The following HDX variants were observed in gnomAD, a reference collection of about 807,000 sequenced individuals.
The protein encoded by HDX is chromosome X open reading frame 43.
HDX carries 19 observed loss-of-function variants against 45.2 expected under a neutral mutation model. The ratio of observed to expected loss-of-function variants is 0.42; its 90% CI spans 0.29 to 0.62. The LOEUF is 0.62. HDX is among the 20% of genes least tolerant of loss of function. HDX has a pLI of 0.20. For synonymous variants in HDX, 188 were observed against 172.8 expected, an observed-to-expected ratio of 1.09 and a Z score of -0.69; for missense variants, 532 against 493.9, an observed-to-expected ratio of 1.08 and a Z score of -0.73.
intron 5 of HDX, among the ~76,000 whole-genome samples, chrX:84,433,675 C>A (rs1021222479): frequency 2.7e-5 from 3 of 111,178 alleles, no homozygotes; most frequent in African/African-American, 3.3e-5. Flanking sequence ...TCTGGCTCTT[C>A]CTTGGTTCCA....
At chrX:84,407,722 A>T in intron 5 of HDX, among the ~76,000 whole-genome samples, 1 of 111,496 alleles carries the variant, frequency 9.0e-6, no homozygotes, top group East Asian at 2.8e-4. Context: ...TTGACTTTTT[A>T]ATAGTAGCCA....
intron 5 of HDX, among the ~76,000 whole-genome samples, chrX:84,432,136 G>A (rs2039519295): frequency 9.0e-6 from 1 of 111,352 alleles, no homozygotes; most frequent in Non-Finnish European, 1.9e-5. Flanking sequence ...TCAAAGATCA[G>A]ATGGTTGTAG....
At chrX:84,462,053 C>A (rs1464754178) in intron 4 of HDX, among the ~76,000 whole-genome samples, 1 of 111,926 alleles carries the variant, frequency 8.9e-6, no homozygotes, top group Non-Finnish European at 1.9e-5. Flanking sequence ...AAAGGGAATC[C>A]TCATAAACTG....
chrX:84,357,098 A>T (rs946971968), intron 6 of HDX, among the ~76,000 whole-genome samples: 3 of 111,582 alleles, frequency 2.7e-5, no homozygotes, highest in South Asian at 7.5e-4. Flanking sequence ...GAAGTTTTTT[A>T]AAAAATGAAA....
chrX:84,431,943 C>G (rs2039515457), intron 5 of HDX, among the ~76,000 whole-genome samples: 1 of 111,022 alleles, frequency 9.0e-6, no homozygotes, highest in Admixed American at 9.6e-5. Flanking sequence ...CCTATGCTAT[C>G]TTTCAGGGTT....
intron 9 of HDX, among the ~76,000 whole-genome samples, chrX:84,332,034 T>C (rs1199248342): frequency 1.8e-5 from 2 of 111,454 alleles, no homozygotes; most frequent in Admixed American, 1.9e-4. Flanking sequence ...AACACTAGTA[T>C]GTGTATATAA....
chrX:84,331,120 T>G (rs779531209), intron 9 of HDX, among the ~76,000 whole-genome samples: 4 of 111,532 alleles, frequency 3.6e-5, no homozygotes, highest in Non-Finnish European at 7.5e-5. Context: ...GACTGCCAAG[T>G]CTGAGGTGCT....
intron 5 of HDX, among the ~76,000 whole-genome samples, chrX:84,405,053 T>TTA (rs2038788020): frequency 9.0e-6 from 1 of 111,040 alleles, no homozygotes; most frequent in African/African-American, 3.3e-5. Context: ...AAAAAGCAAA[T>TTA]TCAGTTGATA....
At chrX:84,447,082 A>G (rs2039889895) in intron 4 of HDX, among the ~76,000 whole-genome samples, 1 of 111,855 alleles carries the variant, frequency 8.9e-6, no homozygotes, top group African/African-American at 3.3e-5. Context: ...CTGAAGACCC[A>G]TGGACCCTTG....
At chrX:84,470,805 TATA>T (rs2040440097) in intron 3 of HDX, among the ~76,000 whole-genome samples, 1 of 111,563 alleles carries the variant, frequency 9.0e-6, no homozygotes, top group African/African-American at 3.3e-5. Context: ...TACTAAACTT[TATA>T]ATAATTCCAA....
At chrX:84,470,261 C>T (rs986730934) in intron 3 of HDX, among the ~76,000 whole-genome samples, 1 of 111,417 alleles carries the variant, frequency 9.0e-6, no homozygotes, top group Non-Finnish European at 1.9e-5. Context: ...TTTCAAAGTG[C>T]TCTCCAATGT....
chrX:84,406,723 T>C (rs760327207), intron 5 of HDX, among the ~76,000 whole-genome samples: 1 of 111,401 alleles, frequency 9.0e-6, no homozygotes, highest in African/African-American at 3.2e-5. Flanking sequence ...TATGCTTTTA[T>C]GAGAATTCTG....
At chrX:84,331,536 AG>A (rs2147769378) in intron 9 of HDX, among the ~76,000 whole-genome samples, 1 of 111,852 alleles carries the variant, frequency 8.9e-6, no homozygotes, top group Non-Finnish European at 1.9e-5. Flanking sequence ...GCTCTCAACC[AG>A]GTAACACATA....
intron 4 of HDX, among the ~76,000 whole-genome samples, 180 bp from the exon 5 acceptor site, chrX:84,440,765 A>G (rs1438429001): frequency 9.0e-6 from 1 of 111,081 alleles, no homozygotes; most frequent in African/African-American, 3.3e-5. Flanking sequence ...TTTTTTGGTG[A>G]AAAAAATTGA....
chrX:84,479,949 C>A (rs1160452946), intron 2 of HDX, among the ~76,000 whole-genome samples: 2 of 111,175 alleles, frequency 1.8e-5, no homozygotes, highest in African/African-American at 3.3e-5. Context: ...TGGATACAAA[C>A]CCTTCATCAG....
At chrX:84,436,204 C>T (rs1341706777) in intron 5 of HDX, among the ~76,000 whole-genome samples, 1 of 90,268 alleles carries the variant, frequency 1.1e-5, no homozygotes, top group African/African-American at 4.1e-5. Flanking sequence ...CGCATATTCT[C>T]ACTCATAGGT....
At position 84,465,849 on chromosome X, in the gene HDX, A is replaced by G. The variant is rs767081431; in HGVS notation, c.1251+2623T>C. Among the ~76,000 whole-genome samples, 13 of 111,814 alleles carry G rather than the reference A, an allele frequency of 1.2e-4. No homozygotes were observed. In the East Asian group the frequency reaches 3.7e-3, roughly 31 times the overall value. On this transcript the variant is annotated intron_variant, in intron 4 of 10. Coordinates refer to ENST00000373177, the MANE Select transcript of HDX (RefSeq NM_001177479.2). ...ATAATAGAAAGTTGACAAAATGACC[A>G]CAGATTCTAAGCTCTGATCCAAGAG...
intron 4 of HDX, among the ~76,000 whole-genome samples, chrX:84,460,089 T>G (rs1047158804): frequency 1.1e-4 from 12 of 111,539 alleles, no homozygotes; most frequent in Non-Finnish European, 1.9e-4. Flanking sequence ...ATCTCTTCAC[T>G]GCTAAATTTT....
At chrX:84,372,481 A>T (rs372225862) in intron 5 of HDX, among the ~76,000 whole-genome samples, 27 of 112,143 alleles carry the variant, frequency 2.4e-4, no homozygotes, top group African/African-American at 8.4e-4. Flanking sequence ...ACATAAGCAC[A>T]CAGCAAGTTT....
Sources: allele counts gnomAD v4.1 joint callset (sites outside exome capture counted in the v4.1 genomes callset), GRCh38; gene constraint gnomAD v4.1.1; transcripts MANE v1.5; gene names NCBI Gene and HGNC (gene_info 2026-07-23, HGNC 2026-07-21).